HS6ST3: variants seen among roughly 807,000 people sequenced by gnomAD.
HS6ST3 encodes the protein heparan sulfate 6-O-sulfotransferase 3.
A neutral mutation model predicts 36.7 loss-of-function variants in HS6ST3; 12 were observed. The ratio of observed to expected loss-of-function variants is 0.33; its 90% CI spans 0.21 to 0.53. The LOEUF is 0.53. HS6ST3 is among the 20% of genes least tolerant of loss of function. The pLI is 0.95. For missense variants in HS6ST3, 584 were observed against 640.9 expected, an observed-to-expected ratio of 0.91 and a Z score of 0.96; for synonymous variants, 240 against 257.5, an observed-to-expected ratio of 0.93 and a Z score of 0.65.
At chr13:96,457,808 T>C (rs1178064944) in intron 1 of HS6ST3, among the ~76,000 whole-genome samples, 2 of 152,184 alleles carry the variant, frequency 1.3e-5, no homozygotes, top group African/African-American at 4.8e-5. Context: ...AATATTTTAC[T>C]TAAGATATAA....
At chr13:96,098,125 A>G (rs2053800368) in intron 1 of HS6ST3, among the ~76,000 whole-genome samples, 1 of 152,314 alleles carries the variant, frequency 6.6e-6, no homozygotes, top group South Asian at 2.1e-4. Flanking sequence ...TGGACTATTG[A>G]GGAGGTTTCT....
chr13:96,396,656 C>T (rs915493681), intron 1 of HS6ST3, among the ~76,000 whole-genome samples: 1 of 152,102 alleles, frequency 6.6e-6, no homozygotes, highest in Non-Finnish European at 1.5e-5. Flanking sequence ...AATTGACAAA[C>T]ATCCCCATCC....
rs11348541 is a variant in HS6ST3 at position 96,351,320 on chromosome 13, CTTTTT to C, written c.707+259762_707+259766del. On this transcript the variant is annotated intron_variant, in intron 1 of 1. Coordinates refer to ENST00000376705, the MANE Select transcript of HS6ST3 (RefSeq NM_153456.4). ...TCCCCAAACTGGGGAAGGTGGCAGT[CTTTTT>C]TTTTTTTTTTAAAAAAAACAAGGTC... 6.8e-3 allele frequency among the ~76,000 whole-genome samples: 974 copies of C among 143,148 alleles called. 13 individuals carry two copies. The highest frequency in any genetic ancestry group is 0.014 in the African/African-American group (532 of 37,438). 93.9% of individuals were successfully genotyped at this position (143,148 alleles called of 152,430 possible).
intron 1 of HS6ST3, among the ~76,000 whole-genome samples, chr13:96,786,461 G>T (rs992617482): frequency 6.6e-6 from 1 of 152,010 alleles, no homozygotes; most frequent in Non-Finnish European, 1.5e-5. Flanking sequence ...CCAGACCCTG[G>T]CATACACCTG....
chr13:96,156,571 G>A (rs1054788340), intron 1 of HS6ST3, among the ~76,000 whole-genome samples: 1 of 152,182 alleles, frequency 6.6e-6, no homozygotes, highest in Non-Finnish European at 1.5e-5. Context: ...TGCTGACTTA[G>A]GGCAGTGTCG....
At chr13:96,297,398 G>T (rs912761376) in intron 1 of HS6ST3, among the ~76,000 whole-genome samples, 1 of 151,930 alleles carries the variant, frequency 6.6e-6, no homozygotes, top group Non-Finnish European at 1.5e-5. Context: ...AAGAAATATT[G>T]CTTCTCCTAT....
At chr13:96,467,319 T>A (rs927724964) in intron 1 of HS6ST3, among the ~76,000 whole-genome samples, 1 of 152,226 alleles carries the variant, frequency 6.6e-6, no homozygotes, top group East Asian at 1.9e-4. Context: ...TCTTAGCACG[T>A]GGCACAGTCG....
chr13:96,639,903 G>A (rs553562032), intron 1 of HS6ST3, among the ~76,000 whole-genome samples: 1 of 151,884 alleles, frequency 6.6e-6, no homozygotes, highest in African/African-American at 2.4e-5. Flanking sequence ...GTTTCTTATG[G>A]CTGTGTAGTT....
At chr13:96,755,000 T>A (rs1403518993) in intron 1 of HS6ST3, among the ~76,000 whole-genome samples, 1 of 151,922 alleles carries the variant, frequency 6.6e-6, no homozygotes, top group Admixed American at 6.6e-5. Flanking sequence ...CTTTCTTAAT[T>A]TTTTTTTAAA....
chr13:96,376,637 A>G (rs569199528), intron 1 of HS6ST3, among the ~76,000 whole-genome samples: 11 of 152,312 alleles, frequency 7.2e-5, no homozygotes, highest in Middle Eastern at 3.4e-3. Flanking sequence ...GATATTATCT[A>G]TGACCTGCAG....
chr13:96,771,946 A>G (rs1877276693), intron 1 of HS6ST3, among the ~76,000 whole-genome samples: 1 of 152,238 alleles, frequency 6.6e-6, no homozygotes, highest in Admixed American at 6.5e-5. Context: ...TTGATGTGGT[A>G]TAATCATGAC....
intron 1 of HS6ST3, among the ~76,000 whole-genome samples, chr13:96,172,470 C>A (rs1010234660): frequency 6.6e-6 from 1 of 152,144 alleles, no homozygotes; most frequent in African/African-American, 2.4e-5. Flanking sequence ...AGCATTGGGT[C>A]CTCTTATTAC....
chr13:96,168,140 T>C (rs2054169849), intron 1 of HS6ST3, among the ~76,000 whole-genome samples: 1 of 152,264 alleles, frequency 6.6e-6, no homozygotes, highest in South Asian at 2.1e-4. Context: ...CTAGTCTCTA[T>C]TTATTTTGGG....
intron 1 of HS6ST3, among the ~76,000 whole-genome samples, chr13:96,410,256 T>A (rs1008647620): frequency 6.6e-6 from 1 of 152,110 alleles, no homozygotes; most frequent in Non-Finnish European, 1.5e-5. Flanking sequence ...CATGATATAA[T>A]GTTACACAAT....
At position 96,091,424 on chromosome 13, in the gene HS6ST3, C is replaced by T. The variant is rs781047206; in HGVS notation, c.562C>T (p.Arg188Trp). Residue 188 changes from arginine to tryptophan, a missense_variant, in exon 1 of 2, where the codon CGG (arginine) becomes TGG (tryptophan). Arg to Trp is a moderately radical substitution (Grantham distance 101). Transcript: ENST00000376705. ...KAGQKKCTCH[R>W]PGKKETWLFS... is the part of the protein sequence containing the mutation. ...GGGTCAGAAGAAGTGCACCTGCCAC[C>T]GGCCTGGCAAGAAGGAGACGTGGCT... The T allele has an allele frequency of 6.2e-7, 1 of 1,612,688 alleles. No individual in the cohort carries two copies. Among genetic ancestry groups the T allele is most frequent in the Non-Finnish European group, 8.5e-7 (1 of 1,179,576 alleles).
intron 1 of HS6ST3, among the ~76,000 whole-genome samples, chr13:96,324,694 T>A (rs560108290): frequency 4.9e-4 from 75 of 152,174 alleles, no homozygotes; most frequent in Non-Finnish European, 9.6e-4. Flanking sequence ...AATGGAACAT[T>A]TGAACACAGA....
At chr13:96,415,466 T>G (rs2055528461) in intron 1 of HS6ST3, among the ~76,000 whole-genome samples, 3 of 152,202 alleles carry the variant, frequency 2.0e-5, no homozygotes, top group African/African-American at 7.2e-5. Flanking sequence ...AAAGTGCTCT[T>G]TTTTATTTGG....
intron 1 of HS6ST3, among the ~76,000 whole-genome samples, chr13:96,195,465 C>G (rs890180929): frequency 1.3e-5 from 2 of 152,210 alleles, no homozygotes; most frequent in Admixed American, 6.5e-5. Context: ...CTTAATCCTT[C>G]TTCACAGCCC....
At chr13:96,446,590 G>A (rs1566363630) in intron 1 of HS6ST3, among the ~76,000 whole-genome samples, 2 of 152,148 alleles carry the variant, frequency 1.3e-5, no homozygotes, top group African/African-American at 4.8e-5. Flanking sequence ...ACTGGGTGTC[G>A]CTATTCTTAT....
Sources: gnomAD v4.1 joint callset for allele counts (sites outside exome capture counted in the v4.1 genomes callset) on GRCh38, gnomAD v4.1.1 for gene constraint, MANE v1.5 for transcripts, NCBI Gene and HGNC (gene_info 2026-07-23, HGNC 2026-07-21) for gene names.